Variants in SGK2 observed in about 807,000 individuals in gnomAD.
SGK2 encodes the protein serine/threonine-protein kinase Sgk2.
Under a neutral mutation model 47.5 loss-of-function variants are expected in SGK2, and 36 were observed. The ratio of observed to expected loss-of-function variants is 0.76; its 90% CI spans 0.58 to 1.00. SGK2 has a LOEUF of 1.00. SGK2 is among the 50% of genes least tolerant of loss of function. SGK2 has a pLI of 0.00. For synonymous variants in SGK2, 157 were observed against 181.9 expected (o/e 0.86, Z 1.10); for missense variants, 404 against 467.4 (o/e 0.86, Z 1.25).
intron 11 of SGK2, 150 bp from the exon 12 acceptor site, chr20:43,579,822 C>T (rs1568676506): frequency 1.5e-6 from 1 of 653,858 alleles, no homozygotes; most frequent in East Asian, 2.7e-5. Flanking sequence ...CTGCAAAACT[C>T]TCTTGTCCCA....
chr20:43,568,049 G>C, intron 5 of SGK2, 50 bp downstream of exon 5: 1 of 1,504,980 alleles, frequency 6.6e-7, no homozygotes, highest in Non-Finnish European at 9.2e-7. Context: ...TCAAGCCGCA[G>C]CCTAGGGTGG....
rs563639028 is a variant in SGK2 at position 43,559,128 on chromosome 20, C to T, written c.-55C>T. 1.9e-4 allele frequency: 29 copies of T among 152,418 alleles called. No homozygotes were observed. Among genetic ancestry groups the T allele is most frequent in the African/African-American group, 6.5e-4 (27 of 41,560 alleles). The allele number at this position is 152,418 out of a possible 1,614,324, so 9.4% of individuals were successfully genotyped here. A position where few individuals can be genotyped will look rare whatever the true frequency, so the allele number is the denominator to read the frequency against. ...GCAGAGCCGTGCATGGGGCTGCTCC[C>T]CAGGACCTGAGCAGGAACCTGGAGT... On this transcript the variant is annotated 5_prime_UTR_variant, in exon 1 of 13. Transcript: ENST00000373100.
chr20:43,583,088 C>A, intron 12 of SGK2: 1 of 985,122 alleles, frequency 1.0e-6, no homozygotes, highest in Non-Finnish European at 1.4e-6. Flanking sequence ...AAACAGCCTG[C>A]ATATCAAACA....
chr20:43,567,952 T>C lies in SGK2; in HGVS notation c.181T>C (p.Tyr61His), dbSNP rs1979840863. 6.2e-7 allele frequency: 1 copy of C among 1,614,228 alleles called. No individual in the cohort carries two copies. Among genetic ancestry groups the C allele is most frequent in the Non-Finnish European group, 8.5e-7 (1 of 1,180,028 alleles). ...LAKRKSDGAF[Y>H]AVKVLQKKSI... ...CAAGCGCAAGTCTGATGGGGCGTTC[T>C]ATGCAGTGAAGGTACTACAGAAAAA... Residue 61 changes from tyrosine (Y) to histidine (H), a missense_variant, in exon 5 of 13, where the codon TAT (tyrosine) becomes CAT (histidine). Tyr to His is a moderately conservative substitution (Grantham distance 83). Transcript: ENST00000373100.
At chr20:43,570,908 TC>T in intron 7 of SGK2, 115 bp from the exon 8 acceptor site, 2 of 1,527,970 alleles carry the variant, frequency 1.3e-6, no homozygotes, top group Non-Finnish European at 9.0e-7. Context: ...TCCTTCTGCA[TC>T]TCTGGCAACC....
chr20:43,568,062 T>C, intron 5 of SGK2, 63 bp downstream of exon 5: 1 of 1,405,386 alleles, frequency 7.1e-7, no homozygotes, highest in Non-Finnish European at 1.0e-6. Context: ...TAGGGTGGCT[T>C]TCAAAGATGG....
At chr20:43,575,673 G>GCCC (rs1568671963) in intron 10 of SGK2, among the ~76,000 whole-genome samples, 13 of 152,294 alleles carry the variant, frequency 8.5e-5, no homozygotes, top group Non-Finnish European at 1.2e-4. Context: ...AGAGGCATGT[G>GCCC]TAGATTTGCC....
intron 11 of SGK2, among the ~76,000 whole-genome samples, chr20:43,579,357 C>T (rs1344513510): frequency 1.3e-5 from 2 of 152,066 alleles, no homozygotes; most frequent in Non-Finnish European, 2.9e-5. Context: ...AACCAGCCCA[C>T]TGGGGTTCCT....
At chr20:43,563,543 A>C (rs1218611297) in intron 1 of SGK2, among the ~76,000 whole-genome samples, 2 of 152,198 alleles carry the variant, frequency 1.3e-5, no homozygotes, top group East Asian at 3.8e-4. Context: ...AGGACTGGAG[A>C]CAAGGAGTCC....
intron 11 of SGK2, among the ~76,000 whole-genome samples, chr20:43,578,015 G>A (rs2145554968): frequency 6.6e-6 from 1 of 152,266 alleles, no homozygotes; most frequent in East Asian, 1.9e-4. Flanking sequence ...ATGGGATATA[G>A]GGATAAATGA....
chr20:43,572,190 C>A lies in SGK2; in HGVS notation c.597+53C>A, dbSNP rs1980183867. ...AGGTCATGAGTGGGTGAGGCCACAG[C>A]TCCTGATTAGAGCCAACAGGTTACA... On this transcript the variant is annotated intron_variant, in intron 9 of 12. Coordinates refer to ENST00000373100, the MANE Select transcript of SGK2 (RefSeq NM_170693.3). This position sits in a 1 kb window ranked among gnomAD's most constrained non-coding sequence, Gnocchi z 4.2. 1.5e-6 allele frequency: 2 copies of A among 1,347,244 alleles called. No homozygotes were observed. The highest frequency in any genetic ancestry group is 1.4e-5 in the African/African-American group (1 of 69,094). 83.5% of individuals were successfully genotyped at this position (1,347,244 alleles called of 1,614,324 possible).
Position 43,574,855 on chromosome 20 carries a change from G to A in SGK2, c.598-54G>A, listed in dbSNP as rs1266389275. 21 of 1,369,162 alleles carry A rather than the reference G, an allele frequency of 1.5e-5. No homozygotes were observed. In the African/African-American group the frequency reaches 2.9e-4, roughly 19 times the overall value. 84.8% of individuals were successfully genotyped at this position (1,369,162 alleles called of 1,614,324 possible). On this transcript the variant is annotated intron_variant, in intron 9 of 12. Coordinates refer to ENST00000373100, the MANE Select transcript of SGK2 (RefSeq NM_170693.3). ...TCCTCCAAGTGCCTTATTTACAGCT[G>A]GGGCAACTGAGGCTTAACGACTTAT...
chr20:43,566,644 T>C (rs1979740023), intron 2 of SGK2, 113 bp downstream of exon 2: 3 of 707,384 alleles, frequency 4.2e-6, no homozygotes, highest in Non-Finnish European at 7.2e-6. Context: ...TGCGAGCACA[T>C]AGAAATGAGC....
At chr20:43,573,832 T>C (rs1374481131) in intron 9 of SGK2, among the ~76,000 whole-genome samples, 2 of 152,126 alleles carry the variant, frequency 1.3e-5, no homozygotes, top group East Asian at 3.9e-4. Context: ...AGCCTGACAG[T>C]CCAGCCATCC....
chr20:43,569,594 C>G, intron 6 of SGK2, 78 bp downstream of exon 6: 1 of 1,522,570 alleles, frequency 6.6e-7, no homozygotes, highest in Admixed American at 1.8e-5. Context: ...CACTGCATGC[C>G]AAGTTCTGGA....
At position 43,571,062 on chromosome 20, in the gene SGK2, T is replaced by C. The variant is rs866122532; in HGVS notation, c.510+2T>C. 1 of 1,570,398 alleles carries C rather than the reference T, an allele frequency of 6.4e-7. No individual in the cohort carries two copies. Among genetic ancestry groups the C allele is most frequent in the Non-Finnish European group, 8.6e-7 (1 of 1,166,896 alleles). On this transcript the variant is annotated splice_donor_variant, in intron 8 of 12. Coordinates refer to ENST00000373100, the MANE Select transcript of SGK2 (RefSeq NM_170693.3). LOFTEE classifies it high-confidence loss of function. Reference sequence around the variant, plus strand: ...GAGAACATTCTCTTGGACTGCCAGGTTGGTGTGTGTGTGTGTGTGTGTGTG... The same window carrying C: ...GAGAACATTCTCTTGGACTGCCAGGCTGGTGTGTGTGTGTGTGTGTGTGTG...
At chr20:43,569,093 A>G (rs965966658) in intron 5 of SGK2, among the ~76,000 whole-genome samples, 4 of 152,208 alleles carry the variant, frequency 2.6e-5, no homozygotes, top group Non-Finnish European at 5.9e-5. Context: ...TTATGTAGGC[A>G]TCACACATGC....
chr20:43,571,500 G>A (rs1385100823), intron 8 of SGK2, among the ~76,000 whole-genome samples: 1 of 152,196 alleles, frequency 6.6e-6, no homozygotes, highest in Non-Finnish European at 1.5e-5. Context: ...TTGCCGGCAG[G>A]GGGAGGGCCT....
At chr20:43,559,487 A>C (rs1377322518) in intron 1 of SGK2, among the ~76,000 whole-genome samples, 1 of 152,172 alleles carries the variant, frequency 6.6e-6, no homozygotes, top group Admixed American at 6.5e-5. Context: ...CCTGGGTTCA[A>C]ATCCTGGTTA....
Sources: allele counts gnomAD v4.1 joint callset (sites outside exome capture counted in the v4.1 genomes callset), GRCh38; gene constraint gnomAD v4.1.1; non-coding constraint Gnocchi (gnomAD v3.1); transcripts MANE v1.5; gene names NCBI Gene and HGNC (gene_info 2026-07-23, HGNC 2026-07-21).